Variants in GRID1 observed in about 807,000 individuals in gnomAD.
GRID1 encodes glutamate ionotropic receptor delta type subunit 1.
A neutral mutation model predicts 98.0 loss-of-function variants in GRID1; 28 were observed. That is an observed-to-expected ratio of 0.29 (90% confidence interval 0.21 to 0.39). The LOEUF (loss-of-function observed/expected upper bound fraction) is 0.39, where lower values mean the gene tolerates loss of function less well. Among genes scored for constraint, GRID1 ranks in the 10% least tolerant of loss-of-function variants. The probability of loss-of-function intolerance (pLI) is 1.00; values close to 1 mark genes in which losing one functional copy is unlikely to be tolerated. For missense variants in GRID1, 1,111 were observed against 1,340.5 expected (o/e 0.83, Z 2.67); for synonymous variants, 553 against 538.5 (o/e 1.03, Z -0.37).
In GRID1 at chr10:85,599,802, A is replaced by AAAAAAAAAAATATATATAT; in HGVS notation, c.*2470_*2471insATATATATATTTTTTTTTT. On this transcript the variant is annotated 3_prime_UTR_variant, in exon 16 of 16. Coordinates refer to ENST00000327946, the MANE Select transcript of GRID1 (RefSeq NM_017551.3). ...GTAGAAAATTCTAAAAAAAAAAAAA[A>AAAAAAAAAAATATATATAT]ATATATATATATATATATAAACATG... The AAAAAAAAAAATATATATAT allele has an allele frequency of 1.5e-5, 1 of 64,976 alleles. No individual in the cohort carries two copies. Among genetic ancestry groups the AAAAAAAAAAATATATATAT allele is most frequent in the East Asian group, 4.3e-4 (1 of 2,348 alleles). 4.0% of individuals were successfully genotyped at this position (64,976 alleles called of 1,614,324 possible).
At chr10:85,801,132 AT>A (rs1355454329) in intron 8 of GRID1, among the ~76,000 whole-genome samples, 1 of 152,068 alleles carries the variant, frequency 6.6e-6, no homozygotes, top group African/African-American at 2.4e-5. Context: ...TAATTCCTTT[AT>A]GCTAATAACT....
chr10:86,023,181 AG>A, intron 4 of GRID1, among the ~76,000 whole-genome samples: 1 of 152,130 alleles, frequency 6.6e-6, no homozygotes, highest in Non-Finnish European at 1.5e-5. Flanking sequence ...GGAGGGATGC[AG>A]TAGAGAGACC....
intron 2 of GRID1, among the ~76,000 whole-genome samples, chr10:86,252,449 A>C (rs992323308): frequency 6.6e-6 from 1 of 152,226 alleles, no homozygotes; most frequent in South Asian, 2.1e-4. Context: ...ATCACACTGC[A>C]CTGTAAGGAT....
intron 4 of GRID1, among the ~76,000 whole-genome samples, chr10:85,983,425 C>T (rs1223481305): frequency 1.3e-5 from 2 of 152,220 alleles, no homozygotes; most frequent in Non-Finnish European, 2.9e-5. Flanking sequence ...CTCCACCCGG[C>T]CCTGTGGTAA....
Position 86,366,254 on chromosome 10 carries a change from G to T in GRID1, c.79+60C>A. The T allele has an allele frequency of 3.3e-6, 4 of 1,222,740 alleles. No individual in the cohort carries two copies. The highest frequency in any genetic ancestry group is 4.4e-6 in the Non-Finnish European group (4 of 900,400). 75.7% of individuals were successfully genotyped at this position (1,222,740 alleles called of 1,614,324 possible). A position where few individuals can be genotyped will look rare whatever the true frequency, so the allele number is the denominator to read the frequency against. On this transcript the variant is annotated intron_variant, in intron 1 of 15. Transcript: ENST00000327946. The surrounding 1 kb of genome is among the most constrained non-coding windows in gnomAD (Gnocchi z 4.1). ...GGGAAACGCCAAGTTTGGACGCCGCGCACCCCCTGCCCCGTTGGGGCCCCC... is the reference window on the plus strand; with the variant it reads ...GGGAAACGCCAAGTTTGGACGCCGCTCACCCCCTGCCCCGTTGGGGCCCCC...
intron 8 of GRID1, among the ~76,000 whole-genome samples, chr10:85,845,043 G>T (rs1220694771): frequency 6.6e-6 from 1 of 151,614 alleles, no homozygotes; most frequent in African/African-American, 2.4e-5. Context: ...AAATAAAGAT[G>T]TCCACTGTTA....
At chr10:86,328,636 T>C (rs1440058846) in intron 2 of GRID1, among the ~76,000 whole-genome samples, 2 of 152,248 alleles carry the variant, frequency 1.3e-5, no homozygotes, top group Non-Finnish European at 2.9e-5. Flanking sequence ...GAAGCACTTT[T>C]ATGTGCAGCT....
At chr10:86,049,371 A>G (rs1843468166) in intron 4 of GRID1, among the ~76,000 whole-genome samples, 1 of 152,230 alleles carries the variant, frequency 6.6e-6, no homozygotes, top group Admixed American at 6.5e-5. Context: ...ACGTTCCAGC[A>G]GTGTAGATAT....
rs35077466 is a variant in GRID1, at chr10:85,949,905, G to GGGATGGATGGAT, written c.727-33678_727-33667dup. 4.7e-3 allele frequency among the ~76,000 whole-genome samples: 704 copies of GGGATGGATGGAT among 149,858 alleles called. 5 individuals carry two copies. The highest frequency in any genetic ancestry group is 0.016 in the African/African-American group (665 of 40,494). On this transcript the variant is annotated intron_variant, in intron 4 of 15. Coordinates refer to ENST00000327946, the MANE Select transcript of GRID1 (RefSeq NM_017551.3). ...ATAAAAAGAGAGAGAGAGAACTATAGGGATGGATGGATGGATGGATGGATG... is the reference window on the plus strand; with the variant it reads ...ATAAAAAGAGAGAGAGAGAACTATAGGGATGGATGGATGGATGGATGGATGGATGGATGGATG...
At chr10:86,251,068 T>C (rs992716062) in intron 2 of GRID1, among the ~76,000 whole-genome samples, 2 of 152,186 alleles carry the variant, frequency 1.3e-5, no homozygotes, top group Admixed American at 6.5e-5. Context: ...CTCTGAAACA[T>C]GTGCTGTGTC....
At chr10:85,774,052 T>A (rs1842302240) in intron 8 of GRID1, among the ~76,000 whole-genome samples, 1 of 152,190 alleles carries the variant, frequency 6.6e-6, no homozygotes, top group Non-Finnish European at 1.5e-5. Context: ...GCTGTAGGCA[T>A]CACGCTATCT....
At chr10:85,763,396 C>A (rs979649325) in intron 8 of GRID1, among the ~76,000 whole-genome samples, 7 of 152,132 alleles carry the variant, frequency 4.6e-5, no homozygotes, top group Admixed American at 4.6e-4. Flanking sequence ...TTCCTCTCAC[C>A]AAAGCCCCTG....
intron 2 of GRID1, among the ~76,000 whole-genome samples, chr10:86,261,316 G>A (rs964049631): frequency 4.6e-5 from 7 of 152,254 alleles, no homozygotes; most frequent in African/African-American, 1.7e-4. Flanking sequence ...GGGCCCCCAG[G>A]ACCTGCCGGC....
At chr10:86,231,532 C>T (rs558529946) in intron 2 of GRID1, among the ~76,000 whole-genome samples, 26 of 152,270 alleles carry the variant, frequency 1.7e-4, no homozygotes, top group Middle Eastern at 3.4e-3. Context: ...GTCAACCATT[C>T]TCTCTCTCCA....
At chr10:85,715,173 G>T (rs1358367747) in intron 12 of GRID1, among the ~76,000 whole-genome samples, 1 of 152,040 alleles carries the variant, frequency 6.6e-6, no homozygotes, top group Non-Finnish European at 1.5e-5. Context: ...TGGAGAAACT[G>T]AATATCTGCA....
At chr10:85,606,419 G>A (rs968601784) in intron 15 of GRID1, 1 of 152,150 alleles carries the variant, frequency 6.6e-6, no homozygotes, top group Non-Finnish European at 1.5e-5. Context: ...TCCAACACGA[G>A]GACAAACCCT....
At chr10:85,799,419 A>G (rs1363079207) in intron 8 of GRID1, among the ~76,000 whole-genome samples, 1 of 152,148 alleles carries the variant, frequency 6.6e-6, no homozygotes, top group Non-Finnish European at 1.5e-5. Flanking sequence ...ATGTTTATCT[A>G]TGCTTATTAC....
intron 3 of GRID1, among the ~76,000 whole-genome samples, chr10:86,146,483 A>G (rs928327647): frequency 3.9e-5 from 6 of 152,166 alleles, no homozygotes; most frequent in African/African-American, 1.4e-4. Flanking sequence ...TGATGGCAGC[A>G]GCGTCTGCCA....
chr10:85,840,423 G>C (rs1183762346), intron 8 of GRID1, among the ~76,000 whole-genome samples: 1 of 152,018 alleles, frequency 6.6e-6, no homozygotes, highest in Non-Finnish European at 1.5e-5. Context: ...TTGAAAACTG[G>C]CACAAGACAA....
Sources: allele counts gnomAD v4.1 joint callset (sites outside exome capture counted in the v4.1 genomes callset), GRCh38; gene constraint gnomAD v4.1.1; non-coding constraint Gnocchi (gnomAD v3.1); transcripts MANE v1.5; gene names NCBI Gene and HGNC (gene_info 2026-07-23, HGNC 2026-07-21).